Variants in PLD5 observed in about 807,000 individuals in gnomAD.
The protein encoded by PLD5 is phospholipase D family member 5, also known as inactive phospholipase D5.
In PLD5, 36 loss-of-function variants were observed where a neutral mutation model predicts 61.1. The observed-to-expected ratio is 0.59, with a 90% confidence interval of 0.45 to 0.78. The LOEUF (loss-of-function observed/expected upper bound fraction) is 0.78, where lower values mean the gene tolerates loss of function less well. PLD5 is among the 30% of genes least tolerant of loss of function. The probability of loss-of-function intolerance (pLI) is 0.00; values close to 1 mark genes in which losing one functional copy is unlikely to be tolerated. For synonymous variants in PLD5, 243 were observed against 242.8 expected, an observed-to-expected ratio of 1.00 and a Z score of -0.01; for missense variants, 515 against 644.4, an observed-to-expected ratio of 0.80 and a Z score of 2.17.
chr1:242,268,939 T>A (rs1673881805), intron 3 of PLD5, among the ~76,000 whole-genome samples: 1 of 152,098 alleles, frequency 6.6e-6, no homozygotes, highest in African/African-American at 2.4e-5. Flanking sequence ...GCCTCCTGGG[T>A]TCAAGTGATT....
chr1:242,453,070 G>A (rs920636973), intron 1 of PLD5, among the ~76,000 whole-genome samples: 8 of 152,196 alleles, frequency 5.3e-5, no homozygotes, highest in East Asian at 3.8e-4. Context: ...CTCCACATTC[G>A]TATGTTGAAA....
In PLD5 at chr1:242,393,664, A is replaced by G. The variant is rs182036685; in HGVS notation, c.190-45422T>C. Among the ~76,000 whole-genome samples the G allele has an allele frequency of 2.2e-4, 23 of 106,058 alleles. 3 individuals carry two copies. Among genetic ancestry groups the G allele is most frequent in the African/African-American group, 4.0e-4 (10 of 25,230 alleles). 69.6% of individuals were successfully genotyped at this position (106,058 alleles called of 152,430 possible). On this transcript the variant is annotated intron_variant, in intron 1 of 9. Transcript: ENST00000536534. ...TGTATATATATGAGTATATATGTGT[A>G]TATATATGAGTATATATGTGTATAT... is the stretch of plus-strand genomic sequence containing the variant.
chr1:242,276,447 G>A (rs60848497), intron 3 of PLD5, among the ~76,000 whole-genome samples: 17 of 61,822 alleles, frequency 2.7e-4, no homozygotes, highest in Admixed American at 4.4e-4. Flanking sequence ...ATATATATAT[G>A]AATATATATG....
chr1:242,174,481 G>C (rs1038094172), intron 5 of PLD5, among the ~76,000 whole-genome samples: 6 of 151,994 alleles, frequency 3.9e-5, no homozygotes, highest in African/African-American at 1.4e-4. Context: ...CATTGTGGAA[G>C]TCAGTGTGGC....
chr1:242,233,327 A>G (rs1047259828), intron 4 of PLD5, among the ~76,000 whole-genome samples: 3 of 152,186 alleles, frequency 2.0e-5, no homozygotes, highest in Non-Finnish European at 4.4e-5. Flanking sequence ...GCCCACAGCT[A>G]CCAAGTAAGG....
chr1:242,270,811 G>A (rs529562128), intron 3 of PLD5, among the ~76,000 whole-genome samples: 7 of 152,312 alleles, frequency 4.6e-5, no homozygotes, highest in African/African-American at 1.7e-4. Context: ...GCCCCAGTGG[G>A]GAACTAGTAA....
intron 2 of PLD5, among the ~76,000 whole-genome samples, chr1:242,313,341 A>G (rs1199295902): frequency 6.6e-6 from 1 of 152,176 alleles, no homozygotes; most frequent in Non-Finnish European, 1.5e-5. Flanking sequence ...TCTCTCATCC[A>G]TAAAGGGTAT....
Position 242,084,475 on chromosome 1 carries a change from CA to C in PLD5, c.*5378del, listed in dbSNP as rs1659367292. ...GAGAAAGGAACCATATAAAGCACTC[CA>C]AATTGTTTGGCTCAAGTAGGTTTTC... On this transcript the variant is annotated 3_prime_UTR_variant, in exon 10 of 10. Transcript: ENST00000536534. 1 of 152,058 alleles carries C rather than the reference CA, an allele frequency of 6.6e-6. No individual in the cohort carries two copies. Among genetic ancestry groups the C allele is most frequent in the South Asian group, 2.1e-4 (1 of 4,826 alleles). 9.4% of individuals were successfully genotyped at this position (152,058 alleles called of 1,614,324 possible). A position where few individuals can be genotyped will look rare whatever the true frequency, so the allele number is the denominator to read the frequency against.
chr1:242,241,871 A>C (rs529131945), intron 4 of PLD5, among the ~76,000 whole-genome samples: 7 of 6,550 alleles, frequency 1.1e-3, no homozygotes, highest in African/African-American at 1.5e-3. Flanking sequence ...TTTACTTACT[A>C]TATATATATA....
chr1:242,336,872 A>G (rs770580133), intron 2 of PLD5, among the ~76,000 whole-genome samples: 13 of 152,246 alleles, frequency 8.5e-5, no homozygotes, highest in Non-Finnish European at 1.8e-4. Context: ...ATTAACCTGG[A>G]AGGCAGGGAT....
At chr1:242,233,005 T>G (rs764207266) in intron 4 of PLD5, among the ~76,000 whole-genome samples, 14 of 151,986 alleles carry the variant, frequency 9.2e-5, no homozygotes, top group Non-Finnish European at 1.6e-4. Flanking sequence ...AAATAAAAAA[T>G]TAGCCAGGCG....
At chr1:242,467,199 T>C (rs975411840) in intron 1 of PLD5, among the ~76,000 whole-genome samples, 1 of 152,172 alleles carries the variant, frequency 6.6e-6, no homozygotes, top group African/African-American at 2.4e-5. Flanking sequence ...AAACATCACA[T>C]TGTAACAATT....
At position 242,208,228 on chromosome 1, in the gene PLD5, G is replaced by A. The variant is rs73138742; in HGVS notation, c.735+11760C>T. 5.6e-3 allele frequency among the ~76,000 whole-genome samples: 855 copies of A among 151,710 alleles called. 12 individuals are homozygous for A. Among genetic ancestry groups the A allele is most frequent in the African/African-American group, 0.02 (810 of 41,340 alleles). On this transcript the variant is annotated intron_variant, in intron 5 of 9. Transcript: ENST00000536534. ...TTCTTTCTTCAGCATGCCTGCACAG[G>A]TGAGCTCACCCCGCTCACTCATCAT...
chr1:242,432,667 A>G (rs2102891275), intron 1 of PLD5, among the ~76,000 whole-genome samples: 1 of 152,330 alleles, frequency 6.6e-6, no homozygotes, highest in Middle Eastern at 3.4e-3. Context: ...CCTGGCATAA[A>G]GCCTAGGAGG....
intron 2 of PLD5, among the ~76,000 whole-genome samples, chr1:242,318,330 T>C (rs1241782545): frequency 1.1e-4 from 17 of 152,132 alleles, no homozygotes; most frequent in Non-Finnish European, 2.1e-4. Context: ...GTGTTCCTCC[T>C]GCGGGAGGGG....
At chr1:242,190,246 C>T (rs780767607) in intron 5 of PLD5, among the ~76,000 whole-genome samples, 10 of 148,064 alleles carry the variant, frequency 6.8e-5, no homozygotes, top group Admixed American at 3.4e-4. Context: ...CCTGGGTTCA[C>T]GCCATTCTCC....
intron 1 of PLD5, among the ~76,000 whole-genome samples, chr1:242,473,483 G>A (rs1277005978): frequency 6.6e-6 from 1 of 152,182 alleles, no homozygotes; most frequent in Admixed American, 6.5e-5. Context: ...CAGGCTAGTT[G>A]TAATCTAATG....
chr1:242,252,483 T>TGGCTTGAGCCC (rs1558399052), intron 4 of PLD5, among the ~76,000 whole-genome samples: 1 of 151,942 alleles, frequency 6.6e-6, no homozygotes, highest in East Asian at 1.9e-4. Context: ...GAGGCCAAGG[T>TGGCTTGAGCCC]GGGAGGATGG....
intron 1 of PLD5, among the ~76,000 whole-genome samples, chr1:242,434,402 C>A (rs1665882821): frequency 6.6e-6 from 1 of 152,148 alleles, no homozygotes; most frequent in Non-Finnish European, 1.5e-5. Context: ...GTGATCAAGA[C>A]ATTGTTTTAG....
Sources: allele counts gnomAD v4.1 joint callset (sites outside exome capture counted in the v4.1 genomes callset), GRCh38; gene constraint gnomAD v4.1.1; transcripts MANE v1.5; gene names NCBI Gene and HGNC (gene_info 2026-07-23, HGNC 2026-07-21).